Variants in ANK3 observed in about 807,000 individuals in gnomAD.
The protein encoded by ANK3 is ankyrin-3.
ANK3 carries 57 observed loss-of-function variants against 370.9 expected under a neutral mutation model. The observed-to-expected ratio is 0.15, with a 90% CI of 0.12 to 0.19. The LOEUF is 0.19. Among genes scored for constraint, ANK3 ranks in the 10% least tolerant of loss-of-function variants. The pLI, the probability that ANK3 is intolerant of heterozygous loss-of-function variation, is 1.00. For missense variants in ANK3, 4,439 were observed against 5,302.1 expected, an observed-to-expected ratio of 0.84 and a Z score of 5.06; for synonymous variants, 1,929 against 1,946.3, an observed-to-expected ratio of 0.99 and a Z score of 0.23.
intron 12 of ANK3, among the ~76,000 whole-genome samples, chr10:60,200,595 C>A (rs2096658070): frequency 6.6e-6 from 1 of 152,036 alleles, no homozygotes; most frequent in African/African-American, 2.4e-5. Flanking sequence ...CTGAAGCAGG[C>A]AGCCAACCCC....
chr10:60,245,143 T>G (rs1359347094), intron 7 of ANK3, among the ~76,000 whole-genome samples: 1 of 151,942 alleles, frequency 6.6e-6, no homozygotes, highest in East Asian at 1.9e-4. Context: ...CACTCCAGCC[T>G]GGGCGACAGA....
At chr10:60,082,430 T>G (rs751764964) in intron 34 of ANK3, 185 bp downstream of exon 34, 93 of 820,856 alleles carry the variant, frequency 1.1e-4, no homozygotes, top group Non-Finnish European at 1.5e-4. Context: ...CAGAGAAGAC[T>G]CCATCATACA....
chr10:60,684,260 G>A (rs988700376), intron 1 of ANK3, among the ~76,000 whole-genome samples: 1 of 152,214 alleles, frequency 6.6e-6, no homozygotes, highest in Non-Finnish European at 1.5e-5. Flanking sequence ...GGAGCTGCCG[G>A]ACAACCACCA....
chr10:60,602,521 A>G (rs898119292), intron 2 of ANK3, among the ~76,000 whole-genome samples: 1 of 152,150 alleles, frequency 6.6e-6, no homozygotes, highest in South Asian at 2.1e-4. Flanking sequence ...TTACCATTTG[A>G]AAAGGGTATA....
At chr10:60,430,655 C>T (rs2063997492) in intron 2 of ANK3, among the ~76,000 whole-genome samples, 1 of 151,874 alleles carries the variant, frequency 6.6e-6, no homozygotes, top group South Asian at 2.1e-4. Context: ...TGTTTTTTAC[C>T]CCAGAGAATT....
intron 1 of ANK3, among the ~76,000 whole-genome samples, chr10:60,334,884 G>T (rs891735022): frequency 6.6e-6 from 1 of 152,068 alleles, no homozygotes; most frequent in Non-Finnish European, 1.5e-5. Context: ...ACAATTATGT[G>T]CCTACTGGGT....
intron 8 of ANK3, among the ~76,000 whole-genome samples, chr10:60,232,931 G>A (rs74685040): frequency 5.2e-4 from 79 of 152,306 alleles, no homozygotes; most frequent in Non-Finnish European, 9.6e-4. Context: ...TACCAGGCCA[G>A]TTTTAGGATC....
At chr10:60,554,145 T>C (rs1474882459) in intron 2 of ANK3, among the ~76,000 whole-genome samples, 2 of 152,222 alleles carry the variant, frequency 1.3e-5, no homozygotes, top group Non-Finnish European at 2.9e-5. Flanking sequence ...CTTTTTCGGA[T>C]ACACCATAGC....
At chr10:60,169,266 T>G (rs903272540) in intron 21 of ANK3, among the ~76,000 whole-genome samples, 3 of 152,086 alleles carry the variant, frequency 2.0e-5, no homozygotes, top group African/African-American at 7.2e-5. Flanking sequence ...TATCTCATTG[T>G]GGTCTTGATT....
chr10:60,251,430 C>G (rs1455333445), intron 7 of ANK3, among the ~76,000 whole-genome samples: 1 of 152,180 alleles, frequency 6.6e-6, no homozygotes, highest in Admixed American at 6.5e-5. Context: ...GGGTGCATCA[C>G]TGGCCTTTCG....
At chr10:60,396,224 G>T (rs1209164519) in intron 2 of ANK3, among the ~76,000 whole-genome samples, 1 of 152,154 alleles carries the variant, frequency 6.6e-6, no homozygotes, top group Non-Finnish European at 1.5e-5. Flanking sequence ...ATTAGTATGG[G>T]TGAATTGAAA....
chr10:60,369,468 C>T (rs181286990), intron 1 of ANK3, among the ~76,000 whole-genome samples: 80 of 152,276 alleles, frequency 5.3e-4, no homozygotes, highest in Admixed American at 9.8e-4. Flanking sequence ...AAGTCAATGA[C>T]CCAGCTGTGG....
intron 12 of ANK3, among the ~76,000 whole-genome samples, chr10:60,200,606 C>A (rs1364760528): frequency 6.6e-6 from 1 of 151,702 alleles, no homozygotes; most frequent in Non-Finnish European, 1.5e-5. Flanking sequence ...AGCCAACCCC[C>A]CACCCCACAC....
intron 1 of ANK3, among the ~76,000 whole-genome samples, chr10:60,362,937 G>T (rs1487293054): frequency 6.6e-6 from 1 of 152,148 alleles, no homozygotes; most frequent in Admixed American, 6.5e-5. Flanking sequence ...AGAGTAGATA[G>T]GGTGGGCTAT....
At chr10:60,412,922 G>A (rs995769609) in intron 2 of ANK3, among the ~76,000 whole-genome samples, 4 of 152,128 alleles carry the variant, frequency 2.6e-5, no homozygotes, top group African/African-American at 9.7e-5. Context: ...CACCCAGCAT[G>A]CTATCTGGTA....
chr10:60,400,110 A>G (rs1414086781), intron 2 of ANK3, among the ~76,000 whole-genome samples: 1 of 152,008 alleles, frequency 6.6e-6, no homozygotes, highest in Non-Finnish European at 1.5e-5. Context: ...TACACCAGTG[A>G]TAACAGTGGG....
At chr10:60,652,559 G>A (rs1045864249) in intron 1 of ANK3, among the ~76,000 whole-genome samples, 1 of 152,008 alleles carries the variant, frequency 6.6e-6, no homozygotes, top group East Asian at 1.9e-4. Flanking sequence ...GGGCATGATC[G>A]TGTAAAGAGT....
At chr10:60,317,835 TC>T (rs2047782690) in intron 1 of ANK3, among the ~76,000 whole-genome samples, 1 of 151,298 alleles carries the variant, frequency 6.6e-6, no homozygotes, top group Non-Finnish European at 1.5e-5. Context: ...TGCCTCAGCC[TC>T]CCGAGTAGCT....
chr10:60,060,003 T>A, intron 40 of ANK3: 1 of 1,581,468 alleles, frequency 6.3e-7, no homozygotes, highest in East Asian at 2.2e-5. Context: ...AAGGGAAGGA[T>A]AACCTATGGA....
Sources: allele counts gnomAD v4.1 joint callset (sites outside exome capture counted in the v4.1 genomes callset), GRCh38; gene constraint gnomAD v4.1.1; transcripts MANE v1.5; gene names NCBI Gene and HGNC (gene_info 2026-07-23, HGNC 2026-07-21).